Variants in DCHS1 observed in about 807,000 individuals in gnomAD.
The protein encoded by DCHS1 is dachsous cadherin-related 1.
A neutral mutation model predicts 213.9 loss-of-function variants in DCHS1; 78 were observed. That is an observed-to-expected ratio of 0.36 (90% CI 0.30 to 0.44). DCHS1 has a LOEUF of 0.44. DCHS1 is among the 20% of genes least tolerant of loss of function. DCHS1 has a pLI of 1.00. For synonymous variants in DCHS1, 1,828 were observed against 1,873.7 expected, an observed-to-expected ratio of 0.98 and a Z score of 0.63; for missense variants, 3,946 against 4,395.9, an observed-to-expected ratio of 0.90 and a Z score of 2.89.
At position 6,625,394 on chromosome 11, in the gene DCHS1, C is replaced by G; in HGVS notation, c.6950G>C (p.Gly2317Ala). ...GCCAACACTGAAGGGATCCTGGGGC[C>G]CAGATGGGCTTAGCACATACCACAG... The part of the protein sequence containing the change: ...PVLWYVLSPS[G>A]PQDPFSVGRY... The change falls in exon 19 of 21, where the codon GGG becomes GCG. Residue 2317 changes from glycine (G) to alanine (A), a missense_variant. By Grantham distance (60) the Gly-to-Ala change is moderately conservative (BLOSUM62 0). This residue lies in a region of DCHS1 where 3,384 missense variants were observed against 3,780.1 expected (regional missense o/e 0.90). Transcript: ENST00000299441. This position sits in a 1 kb window ranked among gnomAD's most constrained non-coding sequence, Gnocchi z 5.3. 1 of 1,611,668 alleles carries G rather than the reference C, an allele frequency of 6.2e-7. No individual in the cohort carries two copies. The highest frequency in any genetic ancestry group is 1.3e-5 in the African/African-American group (1 of 74,942).
Position 6,626,266 on chromosome 11 carries a change from G to A in DCHS1, c.6479C>T (p.Thr2160Ile), listed in dbSNP as rs113091644. The A allele has an allele frequency of 7.2e-3, 11,643 of 1,613,050 alleles. 87 individuals carry two copies. Among genetic ancestry groups the A allele is most frequent in the Non-Finnish European group, 7.5e-3 (8,813 of 1,179,492 alleles). The change falls in exon 16 of 21, where the codon ACC becomes ATC. Residue 2160 changes from threonine (T) to isoleucine (I), a missense_variant. Physicochemically the swap from Thr to Ile is moderately conservative, Grantham distance 89. Around this residue, in one of 3 missense-constraint regions of DCHS1, gnomAD observed 3,384 missense variants for 3,780.1 expected, o/e 0.90. Transcript: ENST00000299441. The surrounding 1 kb of genome is among the most constrained non-coding windows in gnomAD (Gnocchi z 5.2). Reference sequence around the variant, plus strand: ...AGCATTGTCGTTGGCATCTTGCAGGGTCAGGGTCAGCACAGTGAAGGCAAA... The same window carrying A: ...AGCATTGTCGTTGGCATCTTGCAGGATCAGGGTCAGCACAGTGAAGGCAAA... ...GAFAFTVLTL[T>I]LQDANDNAPR...
chr11:6,641,792 C>G lies in DCHS1; in HGVS notation c.-120-59G>C. The G allele has an allele frequency of 7.4e-7, 1 of 1,354,886 alleles. No individual in the cohort carries two copies. The highest frequency in any genetic ancestry group is 9.7e-7 in the Non-Finnish European group (1 of 1,029,240). 83.9% of individuals were successfully genotyped at this position (1,354,886 alleles called of 1,614,324 possible). On this transcript the variant is annotated intron_variant, in intron 1 of 20. Transcript: ENST00000299441. The surrounding 1 kb of genome is among the most constrained non-coding windows in gnomAD (Gnocchi z 7.1). ...GAGGAGGGATCAGCAGTCCAGATAA[C>G]CTGGACGAGGCCACATCAACATTCA...
chr11:6,648,290 A>C (rs1011970221), intron 1 of DCHS1, among the ~76,000 whole-genome samples: 13 of 152,220 alleles, frequency 8.5e-5, no homozygotes, highest in African/African-American at 3.1e-4. Flanking sequence ...TAGTTACATT[A>C]AGCAGTAGGT....
intron 19 of DCHS1, 130 bp from the exon 20 acceptor site, chr11:6,624,998 T>G (rs1855770271): frequency 7.0e-7 from 1 of 1,428,632 alleles, no homozygotes; most frequent in African/African-American, 1.4e-5. Flanking sequence ...TACTCCTAAG[T>G]ATTCGAATGG....
intron 1 of DCHS1, among the ~76,000 whole-genome samples, chr11:6,651,797 G>A (rs1219003100): frequency 6.6e-6 from 1 of 152,158 alleles, no homozygotes; most frequent in African/African-American, 2.4e-5. Context: ...TTAATTTCTG[G>A]GATTCCAGCT....
rs1246581654 is a variant in DCHS1 at position 6,632,416 on chromosome 11, G to C, written c.3096C>G (p.Ile1032Met). The change falls in exon 6 of 21, where the codon ATC becomes ATG. Residue 1032 changes from isoleucine to methionine, a missense_variant. Coordinates refer to ENST00000299441, the MANE Select transcript of DCHS1 (RefSeq NM_003737.4). This position sits in a 1 kb window ranked among gnomAD's most constrained non-coding sequence, Gnocchi z 5.9. ...VQAQAPDGGP[I>M]TYHLAAEGAS... ...CTCCCTCTGCTGCAAGGTGATAGGT[G>C]ATAGGGCCCCCATCTGGTGCTTGGG... 1.2e-6 allele frequency: 2 copies of C among 1,612,314 alleles called. No homozygotes were observed. Among genetic ancestry groups the C allele is most frequent in the African/African-American group, 2.7e-5 (2 of 74,904 alleles).
intron 6 of DCHS1, 32 bp downstream of exon 6, chr11:6,631,999 T>C (rs767802528): frequency 6.7e-7 from 1 of 1,496,316 alleles, no homozygotes; most frequent in Non-Finnish European, 8.9e-7. Context: ...GATAAGGCTA[T>C]GCGGTCTCAG....
chr11:6,650,596 A>G (rs1244526373), intron 1 of DCHS1, among the ~76,000 whole-genome samples: 2 of 152,174 alleles, frequency 1.3e-5, no homozygotes, highest in Non-Finnish European at 2.9e-5. Flanking sequence ...TAATATGGGG[A>G]GGACTGAGGC....
rs201667197 is a variant in DCHS1, at chr11:6,631,085, G to T, written c.3898C>A (p.Pro1300Thr). 3.1e-6 allele frequency: 5 copies of T among 1,611,858 alleles called. No homozygotes were observed. The highest frequency in any genetic ancestry group is 4.2e-6 in the Non-Finnish European group (5 of 1,178,370). The change falls in exon 9 of 21, where the codon CCT (proline) becomes ACT (threonine). Residue 1300 changes from proline (P) to threonine (T), a missense_variant. This residue lies in a region of DCHS1 where 3,384 missense variants were observed against 3,780.1 expected (regional missense o/e 0.90). Coordinates refer to ENST00000299441, the MANE Select transcript of DCHS1 (RefSeq NM_003737.4). ...AGCAGCTGGAGGCTGGCACTTCGAG[G>T]AGGGCTGCCTTGGTCATGAGCACTC... is the stretch of plus-strand genomic sequence containing the variant. ...TLSAHDQGSPPRSASLQLLVQ... is the reference protein window; with the variant it reads ...TLSAHDQGSPTRSASLQLLVQ...
Position 6,625,425 on chromosome 11 carries a change from G to A in DCHS1, c.6919C>T (p.Pro2307Ser), listed in dbSNP as rs1564860533. ...QVTGNDVDSG[P>S]VLWYVLSPSG... is the part of the protein sequence containing the mutation. The stretch of plus-strand genomic sequence containing the variant: ...GGGCTTAGCACATACCACAGCACGG[G>A]TCCTGAGTCCACATCATTCCCTGTT... Residue 2307 changes from proline (P) to serine (S), a missense_variant, in exon 19 of 21, where the codon CCC (proline) becomes TCC (serine). Around this residue, in one of 3 missense-constraint regions of DCHS1, gnomAD observed 3,384 missense variants for 3,780.1 expected, o/e 0.90. Coordinates refer to ENST00000299441, the MANE Select transcript of DCHS1 (RefSeq NM_003737.4). The surrounding 1 kb of genome is among the most constrained non-coding windows in gnomAD (Gnocchi z 5.3). 6.2e-7 allele frequency: 1 copy of A among 1,603,154 alleles called. No individual in the cohort carries two copies. The highest frequency in any genetic ancestry group is 8.5e-7 in the Non-Finnish European group (1 of 1,173,764).
At chr11:6,629,949 C>A in intron 10 of DCHS1, 38 bp from the exon 11 acceptor site, 1 of 1,602,586 alleles carries the variant, frequency 6.2e-7, no homozygotes, top group South Asian at 1.1e-5. Context: ...GGGACCCCAA[C>A]ACTCCACATC....
rs370533720 is a variant in DCHS1, at chr11:6,624,147, T to C, written c.7529A>G (p.Asp2510Gly). 6.2e-7 allele frequency: 1 copy of C among 1,612,172 alleles called. No individual in the cohort carries two copies. The highest frequency in any genetic ancestry group is 8.5e-7 in the Non-Finnish European group (1 of 1,179,378). ...CACAGCGGCATGGCTGCGGCTTCCA[T>C]CAGCATCTGTAGCCTCCAGGGTGAG... ...TLLTLEATDA[D>G]GSRSHAAVDY... The change falls in exon 21 of 21, where the codon GAT becomes GGT. Residue 2510 changes from aspartate to glycine, a missense_variant. Physicochemically the swap from Asp to Gly is moderately conservative, Grantham distance 94 (BLOSUM62 -1). Transcript: ENST00000299441.
At position 6,647,966 on chromosome 11, in the gene DCHS1, C is replaced by T. The variant is rs1856189554; in HGVS notation, c.-120-6233G>A. 2.0e-5 allele frequency among the ~76,000 whole-genome samples: 3 copies of T among 152,194 alleles called. No individual in the cohort carries two copies. In the South Asian group the frequency reaches 6.2e-4, roughly 32 times the overall value. ...AGGTGAAGGTAAGAAGACTTGGTCA[C>T]TGACTCTCCAGGAAGATGAGGGAGT... On this transcript the variant is annotated intron_variant, in intron 1 of 20. Coordinates refer to ENST00000299441, the MANE Select transcript of DCHS1 (RefSeq NM_003737.4).
At chr11:6,635,460 A>G (rs1025959260) in intron 2 of DCHS1, among the ~76,000 whole-genome samples, 1 of 152,232 alleles carries the variant, frequency 6.6e-6, no homozygotes, top group African/African-American at 2.4e-5. Context: ...TAAGGACCTC[A>G]GGGTCAGGAT....
intron 1 of DCHS1, among the ~76,000 whole-genome samples, chr11:6,646,443 G>A (rs560889412): frequency 3.1e-4 from 47 of 152,066 alleles, no homozygotes; most frequent in Non-Finnish European, 5.1e-4. Flanking sequence ...CCCCAAGTCC[G>A]TCCAGTGTTT....
rs1855857385 is a variant in DCHS1, at chr11:6,628,968, T to C, written c.5162-138A>G. The C allele has an allele frequency of 5.7e-6, 5 of 876,956 alleles. No individual in the cohort carries two copies. The highest frequency in any genetic ancestry group is 9.1e-6 in the Non-Finnish European group (5 of 551,510). The allele number at this position is 876,956 out of a possible 1,614,324, so 54.3% of individuals were successfully genotyped here. Reference sequence around the variant, plus strand: ...TCTCTCCATACCTCTCAGGCACACATGTGTCATGCATACATAAACATACAT... The same window carrying C: ...TCTCTCCATACCTCTCAGGCACACACGTGTCATGCATACATAAACATACAT... On this transcript the variant is annotated intron_variant, in intron 12 of 20. Transcript: ENST00000299441. This position sits in a 1 kb window ranked among gnomAD's most constrained non-coding sequence, Gnocchi z 4.3.
chr11:6,647,292 G>A (rs1382072043), intron 1 of DCHS1, among the ~76,000 whole-genome samples: 2 of 152,190 alleles, frequency 1.3e-5, no homozygotes, highest in South Asian at 2.1e-4. Context: ...AGAAAGGGGA[G>A]GTGAGTTGAG....
intron 1 of DCHS1, among the ~76,000 whole-genome samples, chr11:6,644,293 T>TA (rs1229450810): frequency 6.6e-6 from 1 of 152,238 alleles, no homozygotes; most frequent in African/African-American, 2.4e-5. Flanking sequence ...ATCTACAAGA[T>TA]AAAGTCCTTA....
chr11:6,652,477 G>T (rs745692329), intron 1 of DCHS1, among the ~76,000 whole-genome samples: 1 of 152,232 alleles, frequency 6.6e-6, no homozygotes, highest in South Asian at 2.1e-4. Flanking sequence ...GTATTACAGG[G>T]TTAAAGAAAG....
Sources: allele counts gnomAD v4.1 joint callset (sites outside exome capture counted in the v4.1 genomes callset), GRCh38; gene constraint gnomAD v4.1.1; regional missense constraint gnomAD v4.1.1; non-coding constraint Gnocchi (gnomAD v3.1); transcripts MANE v1.5; gene names NCBI Gene and HGNC (gene_info 2026-07-23, HGNC 2026-07-21).